AZI2: variants seen among roughly 807,000 people sequenced by gnomAD.
The protein encoded by AZI2 is 5-azacytidine induced 2.
In AZI2, 22 loss-of-function variants were observed where a neutral mutation model predicts 45.8. The ratio of observed to expected loss-of-function variants is 0.48; its 90% confidence interval spans 0.34 to 0.69. The LOEUF is 0.69. Ranked by LOEUF, AZI2 falls within the 30% of genes least tolerant of loss-of-function variation. The probability of loss-of-function intolerance (pLI) is 0.01; values close to 1 mark genes in which losing one functional copy is unlikely to be tolerated. For missense variants in AZI2, 417 were observed against 441.5 expected (o/e 0.94, Z 0.50); for synonymous variants, 137 against 156.7 (o/e 0.87, Z 0.94).
intron 1 of AZI2, among the ~76,000 whole-genome samples, chr3:28,340,944 AAAAC>A (rs1396388727): frequency 6.6e-6 from 1 of 152,044 alleles, no homozygotes; most frequent in Non-Finnish European, 1.5e-5. Flanking sequence ...CAGTTTCATT[AAAAC>A]AATCAAAATT....
intron 1 of AZI2, chr3:28,348,086 G>C (rs1413964747): frequency 6.6e-6 from 1 of 152,190 alleles, no homozygotes; most frequent in South Asian, 2.1e-4. Context: ...GCACGTAGTA[G>C]TAGTTACTCA....
chr3:28,336,914 T>C, intron 4 of AZI2, 29 bp from the exon 5 acceptor site: 1 of 1,606,504 alleles, frequency 6.2e-7, no homozygotes, highest in Non-Finnish European at 8.5e-7. Flanking sequence ...CTGAAATTGT[T>C]ATCTTTTCCT....
intron 1 of AZI2, among the ~76,000 whole-genome samples, chr3:28,347,121 T>C (rs1409661836): frequency 6.6e-6 from 1 of 152,160 alleles, no homozygotes; most frequent in African/African-American, 2.4e-5. Flanking sequence ...ACTGGTGTTA[T>C]TGAAAATTAT....
chr3:28,337,017 T>A, intron 4 of AZI2, 132 bp from the exon 5 acceptor site: 1 of 846,768 alleles, frequency 1.2e-6, no homozygotes, highest in Non-Finnish European at 1.8e-6. Context: ...CAATAGTTTT[T>A]TAAAAACAGT....
At chr3:28,347,197 T>C (rs1042157827) in intron 1 of AZI2, among the ~76,000 whole-genome samples, 1 of 152,150 alleles carries the variant, frequency 6.6e-6, no homozygotes, top group African/African-American at 2.4e-5. Flanking sequence ...AAGAAAAAGA[T>C]TGGTTCTATT....
chr3:28,331,554 T>C, intron 6 of AZI2: 1 of 874,672 alleles, frequency 1.1e-6, no homozygotes. Flanking sequence ...AGAGTGGCTG[T>C]ATCTCATTTC....
At chr3:28,330,427 T>C (rs1294379514) in intron 6 of AZI2, among the ~76,000 whole-genome samples, 1 of 151,396 alleles carries the variant, frequency 6.6e-6, no homozygotes, top group Non-Finnish European at 1.5e-5. Flanking sequence ...AATGGTTTAA[T>C]GGAAATATCC....
intron 6 of AZI2, chr3:28,331,905 T>G (rs748395661): frequency 1.9e-6 from 3 of 1,548,454 alleles, no homozygotes; most frequent in Non-Finnish European, 2.6e-6. Flanking sequence ...AAATTCATGC[T>G]ATCCCATGAT....
intron 1 of AZI2, among the ~76,000 whole-genome samples, chr3:28,346,556 C>G (rs1359836122): frequency 6.8e-6 from 1 of 147,372 alleles, no homozygotes; most frequent in African/African-American, 2.5e-5. Context: ...CAGTATGTGA[C>G]AAAACTGAAG....
At chr3:28,336,676 T>G (rs1703804307) in intron 5 of AZI2, 61 bp downstream of exon 5, 6 of 1,502,116 alleles carry the variant, frequency 4.0e-6, no homozygotes, top group Non-Finnish European at 5.5e-6. Flanking sequence ...ATCTTAGTTA[T>G]AAATCCTACA....
At chr3:28,325,188 A>G (rs567928465) in intron 7 of AZI2, 2 of 150,780 alleles carry the variant, frequency 1.3e-5, no homozygotes, top group African/African-American at 4.8e-5. Context: ...GCCTAGAAAA[A>G]GACTACTTAA....
Position 28,327,246 on chromosome 3 carries a change from A to G in AZI2, c.648-296T>C, listed in dbSNP as rs1385713829. ...AGTCTCAGAACTGAGATTTCATTTTAGGCTGTAATGTGCAGCTATTAATTA... is the reference window on the plus strand; with the variant it reads ...AGTCTCAGAACTGAGATTTCATTTTGGGCTGTAATGTGCAGCTATTAATTA... On this transcript the variant is annotated intron_variant, in intron 6 of 7. Transcript: ENST00000479665. 2.6e-5 allele frequency among the ~76,000 whole-genome samples: 4 copies of G among 151,126 alleles called. No individual in the cohort carries two copies. The Admixed American group carries it at 2.6e-4, about 10-fold the overall frequency.
Position 28,323,264 on chromosome 3 carries a change from G to A in AZI2, c.*778C>T, listed in dbSNP as rs1577115940. ...GGCCCACAGAAGGGCAGATTAGACTGAAATCTGTGTGATGCTCCTTCTACT... is the reference window on the plus strand; with the variant it reads ...GGCCCACAGAAGGGCAGATTAGACTAAAATCTGTGTGATGCTCCTTCTACT... On this transcript the variant is annotated 3_prime_UTR_variant, in exon 8 of 8. Transcript: ENST00000479665. The A allele has an allele frequency of 2.6e-5, 4 of 151,100 alleles. No homozygotes were observed. Among genetic ancestry groups the A allele is most frequent in the Admixed American group, 6.6e-5 (1 of 15,074 alleles). 9.4% of individuals were successfully genotyped at this position (151,100 alleles called of 1,614,324 possible).
intron 5 of AZI2, among the ~76,000 whole-genome samples, chr3:28,334,782 C>T (rs1176812184): frequency 6.6e-6 from 1 of 152,058 alleles, no homozygotes; most frequent in South Asian, 2.1e-4. Context: ...AATTTCAATA[C>T]ACATAAATAC....
chr3:28,326,987 CATT>C (rs1406202190), intron 6 of AZI2, 37 bp from the exon 7 acceptor site: 3 of 1,398,166 alleles, frequency 2.1e-6, no homozygotes, highest in Non-Finnish European at 3.0e-6. Flanking sequence ...TAATACTCAT[CATT>C]CTTTTTTAGA....
At position 28,339,287 on chromosome 3, in the gene AZI2, T is replaced by C. The variant is rs17029784; in HGVS notation, c.217-672A>G. On this transcript the variant is annotated intron_variant, in intron 2 of 7. Coordinates refer to ENST00000479665, the MANE Select transcript of AZI2 (RefSeq NM_022461.5). ...GCCACCGTGCCCAGCCAAGGCATACTTGACTTTTTAAGAAATAGATGTGTG... is the reference window on the plus strand; with the variant it reads ...GCCACCGTGCCCAGCCAAGGCATACCTGACTTTTTAAGAAATAGATGTGTG... Among the ~76,000 whole-genome samples the C allele has an allele frequency of 2.6e-3, 389 of 152,276 alleles. 1 individual carries two copies. Among genetic ancestry groups the C allele is most frequent in the African/African-American group, 8.8e-3 (367 of 41,566 alleles).
chr3:28,333,328 C>CGA (rs1553624766), intron 5 of AZI2, among the ~76,000 whole-genome samples: 34 of 151,672 alleles, frequency 2.2e-4, no homozygotes, highest in Non-Finnish European at 5.9e-5. Flanking sequence ...TTTTAATACT[C>CGA]TAACAGTTAA....
chr3:28,335,911 A>G (rs926995564), intron 5 of AZI2, among the ~76,000 whole-genome samples: 2 of 152,096 alleles, frequency 1.3e-5, no homozygotes, highest in African/African-American at 4.8e-5. Flanking sequence ...TTTGAGATAC[A>G]TGAATGCATA....
intron 3 of AZI2, 47 bp from the exon 4 acceptor site, chr3:28,338,083 CGTT>C (rs1278079448): frequency 9.0e-7 from 1 of 1,110,410 alleles, no homozygotes; most frequent in Non-Finnish European, 1.3e-6. Flanking sequence ...AAAATCTACA[CGTT>C]GGTATATTGT....
Sources: allele counts gnomAD v4.1 joint callset (sites outside exome capture counted in the v4.1 genomes callset), GRCh38; gene constraint gnomAD v4.1.1; transcripts MANE v1.5; gene names NCBI Gene and HGNC (gene_info 2026-07-23, HGNC 2026-07-21).